Variants in TAF7L observed in about 807,000 individuals in gnomAD.
The protein encoded by TAF7L is TATA-box binding protein associated factor 7 like, also known as transcription initiation factor TFIID subunit 7-like.
TAF7L carries 6 observed loss-of-function variants against 30.2 expected under a neutral mutation model. That is an observed-to-expected ratio of 0.20 (90% confidence interval 0.11 to 0.39). TAF7L has a LOEUF of 0.39. Ranked by LOEUF, TAF7L falls within the 10% of genes least tolerant of loss-of-function variation. The pLI is 1.00. For missense variants in TAF7L, 284 were observed against 277.1 expected, an observed-to-expected ratio of 1.03 and a Z score of -0.18; for synonymous variants, 93 against 94.5, an observed-to-expected ratio of 0.98 and a Z score of 0.09.
chrX:101,289,136 G>T (rs1924713499), intron 1 of TAF7L, among the ~76,000 whole-genome samples: 1 of 111,929 alleles, frequency 8.9e-6, no homozygotes, highest in Non-Finnish European at 1.9e-5. Flanking sequence ...ACATATAAGT[G>T]AGAATATGTG....
chrX:101,280,700 AC>A (rs1363431504), intron 6 of TAF7L, among the ~76,000 whole-genome samples: 10 of 111,852 alleles, frequency 8.9e-5, no homozygotes, highest in African/African-American at 1.6e-4. Context: ...AATAGTCAAA[AC>A]CTGTAAACAA....
At chrX:101,289,207 C>T (rs1440594006) in intron 1 of TAF7L, among the ~76,000 whole-genome samples, 1 of 112,014 alleles carries the variant, frequency 8.9e-6, no homozygotes, top group Non-Finnish European at 1.9e-5. Context: ...GATTCATCCA[C>T]GTTGTTGCAA....
intron 6 of TAF7L, among the ~76,000 whole-genome samples, chrX:101,279,422 G>A (rs922162800): frequency 9.0e-6 from 1 of 111,223 alleles, no homozygotes; most frequent in Non-Finnish European, 1.9e-5. Context: ...AGGAGTTCGA[G>A]ACCAGCCTGG....
At chrX:101,273,462 G>A (rs1448700259) in intron 12 of TAF7L, among the ~76,000 whole-genome samples, 1 of 110,290 alleles carries the variant, frequency 9.1e-6, no homozygotes, top group Non-Finnish European at 1.9e-5. Flanking sequence ...GGTGGCACGT[G>A]CCTGTAGTCC....
chrX:101,291,960 G>T (rs970175511), upstream of TAF7L, among the ~76,000 whole-genome samples: 1 of 105,015 alleles, frequency 9.5e-6, no homozygotes, highest in Non-Finnish European at 2.0e-5. Flanking sequence ...GAGTTGGGCC[G>T]GGCGCGGTGG....
At chrX:101,275,337 A>C (rs1353744726) in intron 11 of TAF7L, 56 bp from the exon 12 acceptor site, 34 of 741,367 alleles carry the variant, frequency 4.6e-5, no homozygotes, top group Non-Finnish European at 4.2e-5. Flanking sequence ...AAAAAAAAAA[A>C]CCAAGGGAGG....
intron 12 of TAF7L, among the ~76,000 whole-genome samples, chrX:101,272,932 A>G (rs1307303566): frequency 3.6e-5 from 4 of 109,600 alleles, no homozygotes. Flanking sequence ...ACAGGCATAC[A>G]CCACCATGCC....
At chrX:101,275,525 G>C (rs1270268650) in intron 11 of TAF7L, among the ~76,000 whole-genome samples, 1 of 109,883 alleles carries the variant, frequency 9.1e-6, no homozygotes, top group Admixed American at 9.7e-5. Flanking sequence ...ATGCCACCAG[G>C]CCTGGCTAAT....
At position 101,276,350 on chromosome X, in the gene TAF7L, A is replaced by C; in HGVS notation, c.870T>G (p.Ile290Met). The change falls in exon 10 of 13, where the codon ATT becomes ATG. Residue 290 changes from isoleucine (I) to methionine (M), a missense_variant. Transcript: ENST00000356784. Reference sequence around the variant, plus strand: ...CATTTGCCCTATACTGGCCAGATTCAATAAACTCGGCCTGCAGCTGCCTTT... The same window carrying C: ...CATTTGCCCTATACTGGCCAGATTCCATAAACTCGGCCTGCAGCTGCCTTT... ...YLERQLQAEFIESGQYRANEG... is the reference protein window; with the variant it reads ...YLERQLQAEFMESGQYRANEG... The C allele has an allele frequency of 8.3e-7, 1 of 1,211,256 alleles. No homozygotes were observed. The highest frequency in any genetic ancestry group is 1.1e-6 in the Non-Finnish European group (1 of 895,452).
chrX:101,278,158 A>C, intron 7 of TAF7L, 37 bp from the exon 8 acceptor site: 1 of 1,078,771 alleles, frequency 9.3e-7, no homozygotes, highest in South Asian at 1.9e-5. Flanking sequence ...GGATACCAAT[A>C]CTGTCATTTA....
intron 11 of TAF7L, 148 bp from the exon 12 acceptor site, chrX:101,275,429 C>G (rs977316088): frequency 4.6e-5 from 19 of 412,815 alleles, no homozygotes; most frequent in African/African-American, 4.2e-4. Context: ...AGTGCAGTGG[C>G]GCAATCTTGG....
intron 1 of TAF7L, among the ~76,000 whole-genome samples, chrX:101,290,253 C>T (rs1924751172): frequency 9.0e-6 from 1 of 110,831 alleles, no homozygotes; most frequent in South Asian, 3.8e-4. Flanking sequence ...AAGCAGACAC[C>T]CAGGATGGGA....
chrX:101,272,707 A>G (rs182002007), intron 12 of TAF7L, among the ~76,000 whole-genome samples: 6 of 111,410 alleles, frequency 5.4e-5, no homozygotes, highest in African/African-American at 2.0e-4. Context: ...TCTAAAATTG[A>G]CTGCAGTGGT....
intron 12 of TAF7L, among the ~76,000 whole-genome samples, chrX:101,274,771 T>C (rs1426709380): frequency 8.9e-6 from 1 of 112,214 alleles, no homozygotes; most frequent in Non-Finnish European, 1.9e-5. Flanking sequence ...CTCAAATGTA[T>C]GTATAGCTCA....
intron 12 of TAF7L, among the ~76,000 whole-genome samples, chrX:101,273,513 C>T (rs747472811): frequency 2.0e-4 from 22 of 111,141 alleles, no homozygotes; most frequent in Admixed American, 9.6e-5. Flanking sequence ...CTCTTGAACC[C>T]GAGAGGCGGA....
chrX:101,289,738 A>T, intron 1 of TAF7L, among the ~76,000 whole-genome samples: 1 of 109,476 alleles, frequency 9.1e-6, no homozygotes, highest in Middle Eastern at 4.6e-3. Context: ...ACCTGCCACC[A>T]CACCCGGCTA....
Position 101,277,451 on chromosome X carries a change from C to CAAAAAAA in TAF7L, c.691+148_691+154dup, listed in dbSNP as rs368056727. Among the ~76,000 whole-genome samples, 60 of 40,413 alleles carry CAAAAAAA rather than the reference C, an allele frequency of 1.5e-3. 4 individuals are homozygous for CAAAAAAA. The highest frequency in any genetic ancestry group is 4.7e-3 in the African/African-American group (47 of 10,039). The allele number at this position is 40,413 out of a possible 115,157, so 35.1% of individuals were successfully genotyped here. The stretch of plus-strand genomic sequence containing the variant: ...TGGGCGACAGAGCAAGACTCCATCT[C>CAAAAAAA]AAAAAAAAAAAAAAAAAAAGAGGGA... On this transcript the variant is annotated intron_variant, in intron 9 of 12. Coordinates refer to ENST00000356784, the MANE Select transcript of TAF7L (RefSeq NM_001168474.2).
In TAF7L at chrX:101,280,941, G is replaced by GATTA. The variant is rs762301517; in HGVS notation, c.462+775_462+778dup. The stretch of plus-strand genomic sequence containing the variant: ...TTACAGAGATAGAGATCAGATTAGT[G>GATTA]ATTACCAAGTGTCAGAGACTGGGGT... On this transcript the variant is annotated intron_variant, in intron 6 of 12. Coordinates refer to ENST00000356784, the MANE Select transcript of TAF7L (RefSeq NM_001168474.2). Among the ~76,000 whole-genome samples the GATTA allele has an allele frequency of 6.1e-4, 68 of 112,031 alleles. 1 individual carries two copies. The highest frequency in any genetic ancestry group is 1.8e-3 in the South Asian group (5 of 2,708).
intron 10 of TAF7L, 88 bp from the exon 11 acceptor site, chrX:101,276,200 C>G: frequency 5.1e-6 from 6 of 1,178,819 alleles, no homozygotes; most frequent in Non-Finnish European, 6.8e-6. Flanking sequence ...TACTACACAT[C>G]GAAGCGATAA....
Sources: gnomAD v4.1 joint callset for allele counts (sites outside exome capture counted in the v4.1 genomes callset) on GRCh38, gnomAD v4.1.1 for gene constraint, MANE v1.5 for transcripts, NCBI Gene and HGNC (gene_info 2026-07-23, HGNC 2026-07-21) for gene names.